The following PDE3B variants were observed in gnomAD, a reference collection of about 807,000 sequenced individuals.
The protein encoded by PDE3B is phosphodiesterase 3B.
In PDE3B, 66 loss-of-function variants were observed where a neutral mutation model predicts 116.8. The ratio of observed to expected loss-of-function variants is 0.56; its 90% CI spans 0.46 to 0.69. The LOEUF (loss-of-function observed/expected upper bound fraction) is 0.69, where lower values mean the gene tolerates loss of function less well. PDE3B is among the 30% of genes least tolerant of loss of function. PDE3B has a pLI of 0.00. For synonymous variants in PDE3B, 595 were observed against 533.6 expected, an observed-to-expected ratio of 1.12 and a Z score of -1.59; for missense variants, 1,384 against 1,368.1, an observed-to-expected ratio of 1.01 and a Z score of -0.18.
chr11:14,799,223 T>A (rs1858665340), intron 4 of PDE3B, among the ~76,000 whole-genome samples: 1 of 152,222 alleles, frequency 6.6e-6, no homozygotes, highest in Admixed American at 6.5e-5. Context: ...TTGTTCAGTT[T>A]CCATGTAGTT....
chr11:14,735,959 TG>T (rs1267890354), intron 1 of PDE3B, among the ~76,000 whole-genome samples: 2 of 19,404 alleles, frequency 1.0e-4, no homozygotes, highest in African/African-American at 1.7e-4. Flanking sequence ...AATAATAGGT[TG>T]TGTGTGTGTG....
In PDE3B at chr11:14,644,213, C is replaced by T. The variant is rs766237369; in HGVS notation, c.138C>T (p.Gly46=). Residue 46 remains glycine (G), a synonymous_variant, in exon 1 of 16, where the codon GGC becomes GGT. Coordinates refer to ENST00000282096, the MANE Select transcript of PDE3B (RefSeq NM_000922.4). ...VSPLRQDPPR[G]FFFHLCRFCN... ...CCTTGCGGCAGGACCCTCCGCGCGG[C>T]TTCTTCTTCCACCTCTGCCGCTTCT... 9.5e-5 allele frequency: 151 copies of T among 1,593,250 alleles called. No individual in the cohort carries two copies. The highest frequency in any genetic ancestry group is 1.7e-4 in the Middle Eastern group (1 of 5,984).
At position 14,869,951 on chromosome 11, in the gene PDE3B, C is replaced by T; in HGVS notation, c.*291C>T. On this transcript the variant is annotated 3_prime_UTR_variant, in exon 16 of 16. Transcript: ENST00000282096. ...GTATGAATACTTTGTCATAATGCTG[C>T]TTTGCTGGGTAGTGAGCTCTTATTT... The T allele has an allele frequency of 4.3e-6, 1 of 231,472 alleles. No individual in the cohort carries two copies. The highest frequency in any genetic ancestry group is 8.3e-6 in the Non-Finnish European group (1 of 120,248). 14.3% of individuals were successfully genotyped at this position (231,472 alleles called of 1,614,324 possible).
chr11:14,726,285 T>A (rs1856303327), intron 1 of PDE3B, among the ~76,000 whole-genome samples: 1 of 152,216 alleles, frequency 6.6e-6, no homozygotes, highest in Non-Finnish European at 1.5e-5. Context: ...AATATGTTCT[T>A]GTTTATTATT....
intron 1 of PDE3B, among the ~76,000 whole-genome samples, chr11:14,655,681 T>C (rs1448154562): frequency 1.3e-5 from 2 of 152,178 alleles, no homozygotes; most frequent in Non-Finnish European, 2.9e-5. Flanking sequence ...GATCAGTTTT[T>C]CGGGGGAGTG....
chr11:14,662,287 C>T (rs1042262631), intron 1 of PDE3B, among the ~76,000 whole-genome samples: 2 of 152,072 alleles, frequency 1.3e-5, no homozygotes, highest in African/African-American at 4.8e-5. Context: ...GAAAGGACAT[C>T]CACACCAAAA....
chr11:14,673,485 A>G, intron 1 of PDE3B: 1 of 298,668 alleles, frequency 3.3e-6, no homozygotes, highest in Non-Finnish European at 6.9e-6. Context: ...CAGTTGTTAC[A>G]CACTAACATC....
At chr11:14,792,156 C>T (rs1335809993) in intron 4 of PDE3B, among the ~76,000 whole-genome samples, 6 of 152,070 alleles carry the variant, frequency 3.9e-5, no homozygotes, top group Admixed American at 3.3e-4. Flanking sequence ...ATTATTACCT[C>T]ATGACAGAGC....
intron 11 of PDE3B, among the ~76,000 whole-genome samples, chr11:14,837,510 A>G (rs1209382068): frequency 1.3e-5 from 2 of 152,230 alleles, no homozygotes; most frequent in Non-Finnish European, 2.9e-5. Context: ...ATTTTCTGTT[A>G]CTGTGTAACA....
At chr11:14,680,605 T>C (rs1854672991) in intron 1 of PDE3B, among the ~76,000 whole-genome samples, 1 of 152,230 alleles carries the variant, frequency 6.6e-6, no homozygotes, top group Non-Finnish European at 1.5e-5. Context: ...CATGTCTAGA[T>C]GTGTTTATTT....
chr11:14,681,997 T>G (rs921773327), intron 1 of PDE3B, among the ~76,000 whole-genome samples: 2 of 152,216 alleles, frequency 1.3e-5, no homozygotes, highest in African/African-American at 4.8e-5. Flanking sequence ...TATTTTTATG[T>G]TATATATGTT....
intron 4 of PDE3B, among the ~76,000 whole-genome samples, chr11:14,799,100 T>A (rs190003163): frequency 6.6e-6 from 1 of 152,344 alleles, no homozygotes; most frequent in East Asian, 1.9e-4. Context: ...CGCACTGCTT[T>A]AAATGTGTCC....
intron 1 of PDE3B, chr11:14,674,397 C>G: frequency 1.5e-6 from 1 of 683,202 alleles, no homozygotes; most frequent in Middle Eastern, 4.4e-4. Context: ...CCCACTCATC[C>G]CAATTTTTAT....
downstream of PDE3B, among the ~76,000 whole-genome samples, chr11:14,872,491 A>G (rs1555009225): frequency 6.6e-6 from 1 of 152,196 alleles, no homozygotes; most frequent in Non-Finnish European, 1.5e-5. Flanking sequence ...GATAGAGCAC[A>G]AGAAGAGGGA....
chr11:14,784,461 T>C (rs1035519567), intron 2 of PDE3B, among the ~76,000 whole-genome samples: 3 of 152,228 alleles, frequency 2.0e-5, no homozygotes, highest in African/African-American at 7.2e-5. Context: ...AAAATGTTGA[T>C]ACCAGTAGAC....
chr11:14,784,533 G>A (rs1858134181), intron 2 of PDE3B, among the ~76,000 whole-genome samples: 1 of 152,102 alleles, frequency 6.6e-6, no homozygotes, highest in Middle Eastern at 3.4e-3. Flanking sequence ...ACTTTATATA[G>A]TAATACACTC....
rs533433752 is a variant in PDE3B at position 14,793,613 on chromosome 11, A to G, written c.1415+4371A>G. Among the ~76,000 whole-genome samples the G allele has an allele frequency of 9.2e-5, 14 of 152,268 alleles. No individual in the cohort carries two copies. In the South Asian group the frequency reaches 2.5e-3, roughly 27 times the overall value. ...CCAGCCTTCTCTGAGGTCAAACAGC[A>G]TATATTCAGGGCTCACAGGTCACTC... On this transcript the variant is annotated intron_variant, in intron 4 of 15. Transcript: ENST00000282096.
At chr11:14,662,681 T>C (rs1346819666) in intron 1 of PDE3B, among the ~76,000 whole-genome samples, 1 of 152,162 alleles carries the variant, frequency 6.6e-6, no homozygotes, top group Non-Finnish European at 1.5e-5. Context: ...TAGGAGCTGA[T>C]GCGATCAACT....
intron 1 of PDE3B, among the ~76,000 whole-genome samples, chr11:14,770,891 C>T (rs1214316528): frequency 6.6e-6 from 1 of 151,660 alleles, no homozygotes; most frequent in African/African-American, 2.4e-5. Context: ...CTGTAGTCCA[C>T]TGACCAAATG....
Sources: gnomAD v4.1 joint callset for allele counts (sites outside exome capture counted in the v4.1 genomes callset) on GRCh38, gnomAD v4.1.1 for gene constraint, MANE v1.5 for transcripts, NCBI Gene and HGNC (gene_info 2026-07-23, HGNC 2026-07-21) for gene names.